SPATA45: variants seen among roughly 807,000 people sequenced by gnomAD.
SPATA45 encodes the protein spermatogenesis-associated protein 45.
In SPATA45, 5 loss-of-function variants were observed where a neutral mutation model predicts 7.0. The observed-to-expected ratio is 0.71, with a 90% CI of 0.37 to 1.50. The LOEUF (loss-of-function observed/expected upper bound fraction) is 1.50. SPATA45 is among the 40% of genes most tolerant of loss of function. The pLI is 0.03. For synonymous variants in SPATA45, 40 were observed against 38.7 expected, an observed-to-expected ratio of 1.03 and a Z score of -0.13; for missense variants, 111 against 114.9, an observed-to-expected ratio of 0.97 and a Z score of 0.16.
At chr1:212,831,800 A>G (rs1401193859) in intron 2 of SPATA45, among the ~76,000 whole-genome samples, 1 of 151,092 alleles carries the variant, frequency 6.6e-6, no homozygotes, top group Non-Finnish European at 1.5e-5. Flanking sequence ...GACCATCAGG[A>G]CTAATCTCAT....
intron 2 of SPATA45, among the ~76,000 whole-genome samples, chr1:212,832,434 C>T (rs1663507589): frequency 7.4e-6 from 1 of 135,166 alleles, no homozygotes; most frequent in African/African-American, 2.7e-5. Flanking sequence ...CTCTCAAACT[C>T]CTGGGCTCAA....
rs561990635 is a variant in SPATA45, at chr1:212,830,224, T to C, written c.*18A>G. 4 of 1,513,248 alleles carry C rather than the reference T, an allele frequency of 2.6e-6. No individual in the cohort carries two copies. Among genetic ancestry groups the C allele is most frequent in the Non-Finnish European group, 3.6e-6 (4 of 1,099,594 alleles). The allele number at this position is 1,513,248 out of a possible 1,614,324, so 93.7% of individuals were successfully genotyped here. A position where few individuals can be genotyped will look rare whatever the true frequency, so the allele number is the denominator to read the frequency against. ...GAATCAAAGAGAATGTATTTCCGTG[T>C]GTCTCTGGAGATGCACTTTATCCAA... On this transcript the variant is annotated 3_prime_UTR_variant, in exon 3 of 3. Transcript: ENST00000332912.
chr1:212,843,579 C>T (rs559109622), intron 1 of SPATA45, among the ~76,000 whole-genome samples: 4 of 152,052 alleles, frequency 2.6e-5, no homozygotes, highest in Non-Finnish European at 5.9e-5. Context: ...AAATGCTGGA[C>T]CCTTTATTAA....
At chr1:212,834,402 T>A (rs1663551442) in intron 2 of SPATA45, among the ~76,000 whole-genome samples, 1 of 150,866 alleles carries the variant, frequency 6.6e-6, no homozygotes, top group Admixed American at 6.6e-5. Flanking sequence ...TATAAAATAA[T>A]ACCACCACCA....
rs570180148 is a variant in SPATA45 at position 212,838,845 on chromosome 1, C to T, written c.-38-2658G>A. 4.6e-5 allele frequency among the ~76,000 whole-genome samples: 7 copies of T among 151,386 alleles called. No individual in the cohort carries two copies. The South Asian group carries it at 8.4e-4, about 18-fold the overall frequency. On this transcript the variant is annotated intron_variant, in intron 1 of 2. Coordinates refer to ENST00000332912, the MANE Select transcript of SPATA45 (RefSeq NM_001024601.3). Reference sequence around the variant, plus strand: ...GCCTCCCAAGTAGCTGGGATACAGGCGCAGGCCACCACACCTGGCTATTTT... The same window carrying T: ...GCCTCCCAAGTAGCTGGGATACAGGTGCAGGCCACCACACCTGGCTATTTT...
At chr1:212,834,454 C>CTT (rs751372594) in intron 2 of SPATA45, among the ~76,000 whole-genome samples, 8 of 142,854 alleles carry the variant, frequency 5.6e-5, no homozygotes, top group Non-Finnish European at 6.2e-5. Context: ...CCTTCGTCCA[C>CTT]TTTTTTTTTT....
chr1:212,844,387 C>T lies in SPATA45; in HGVS notation c.-39+3193G>A, dbSNP rs576289937. Among the ~76,000 whole-genome samples the T allele has an allele frequency of 9.2e-5, 14 of 152,270 alleles. No individual in the cohort carries two copies. In the East Asian group the frequency reaches 2.7e-3, roughly 29 times the overall value. ...TGCGTCTCCCACAGTTACCATTGTTCCTGGCCTGGACTTCAATCTGGCCTC... is the reference window on the plus strand; with the variant it reads ...TGCGTCTCCCACAGTTACCATTGTTTCTGGCCTGGACTTCAATCTGGCCTC... On this transcript the variant is annotated intron_variant, in intron 1 of 2. Coordinates refer to ENST00000332912, the MANE Select transcript of SPATA45 (RefSeq NM_001024601.3).
chr1:212,839,796 G>C (rs1475069251), intron 1 of SPATA45, among the ~76,000 whole-genome samples: 1 of 151,476 alleles, frequency 6.6e-6, no homozygotes, highest in Non-Finnish European at 1.5e-5. Context: ...GCTTTCCTGG[G>C]TGTATGCATA....
chr1:212,832,707 G>C (rs923144362), intron 2 of SPATA45, among the ~76,000 whole-genome samples: 1 of 151,470 alleles, frequency 6.6e-6, no homozygotes, highest in Admixed American at 6.6e-5. Flanking sequence ...CAAAATTACT[G>C]TATTATTACC....
In SPATA45 at chr1:212,835,983, T is replaced by A; in HGVS notation, c.167A>T (p.Gln56Leu). 1 of 1,611,034 alleles carries A rather than the reference T, an allele frequency of 6.2e-7. No homozygotes were observed. ...VQKRHFPDAY[Q>L]SFTDTTTKEP... is the part of the protein sequence containing the mutation. ...TTTGGTTGTGGTATCAGTAAAGGAC[T>A]GATAGGCATCCGGGAAGTGCCTCTT... Residue 56 changes from glutamine to leucine, a missense_variant, in exon 2 of 3, where the codon CAG becomes CTG. Physicochemically the swap from Gln to Leu is moderately radical, Grantham distance 113. Transcript: ENST00000332912.
chr1:212,836,354 A>G (rs907446054), intron 1 of SPATA45, among the ~76,000 whole-genome samples, 167 bp from the exon 2 acceptor site: 1 of 151,510 alleles, frequency 6.6e-6, no homozygotes, highest in Non-Finnish European at 1.5e-5. Flanking sequence ...TTTTTTAGAC[A>G]GGGTCTTGCT....
At chr1:212,844,901 C>T (rs10864005) in intron 1 of SPATA45, among the ~76,000 whole-genome samples, 66,059 of 151,976 alleles carry the variant, frequency 0.43, 15,507 homozygotes, top group East Asian at 0.53. Flanking sequence ...CAGATCCCAT[C>T]GCTCAGGGCA....
intron 2 of SPATA45, among the ~76,000 whole-genome samples, chr1:212,832,051 T>C: frequency 1.0e-5 from 1 of 96,766 alleles, no homozygotes; most frequent in African/African-American, 3.3e-5. Flanking sequence ...GGAGTTTCGC[T>C]CTTGTTGCCC....
At chr1:212,846,557 C>G (rs1663797862) in intron 1 of SPATA45, among the ~76,000 whole-genome samples, 1 of 152,106 alleles carries the variant, frequency 6.6e-6, no homozygotes, top group Non-Finnish European at 1.5e-5. Context: ...ATATATTCTC[C>G]CCTGCCCTTA....
chr1:212,839,618 A>T (rs1160492757), intron 1 of SPATA45, among the ~76,000 whole-genome samples: 1 of 15,894 alleles, frequency 6.3e-5, no homozygotes, highest in Non-Finnish European at 1.7e-4. Flanking sequence ...ACCCTATGTC[A>T]AAAAAAAAAA....
At chr1:212,831,670 G>A (rs6694190) in intron 2 of SPATA45, among the ~76,000 whole-genome samples, 24,772 of 150,952 alleles carry the variant, frequency 0.16, 2,490 homozygotes, top group East Asian at 0.24. Context: ...TAGTCTTCAC[G>A]TCACTATTAA....
At chr1:212,839,321 T>C (rs575304560) in intron 1 of SPATA45, among the ~76,000 whole-genome samples, 2 of 149,622 alleles carry the variant, frequency 1.3e-5, no homozygotes, top group South Asian at 4.3e-4. Context: ...CATATAAAAC[T>C]CTAGGAAATA....
intron 2 of SPATA45, among the ~76,000 whole-genome samples, chr1:212,834,733 G>C (rs562333190): frequency 6.6e-6 from 1 of 151,658 alleles, no homozygotes; most frequent in African/African-American, 2.4e-5. Flanking sequence ...CTGGAGGTGT[G>C]AGCCACCGCG....
chr1:212,834,805 A>G (rs925976363), intron 2 of SPATA45, among the ~76,000 whole-genome samples: 3 of 151,568 alleles, frequency 2.0e-5, no homozygotes, highest in Non-Finnish European at 4.4e-5. Context: ...AAGGATCTCC[A>G]CTGCACCTCA....
Sources: gnomAD v4.1 joint callset for allele counts (sites outside exome capture counted in the v4.1 genomes callset) on GRCh38, gnomAD v4.1.1 for gene constraint, MANE v1.5 for transcripts, NCBI Gene and HGNC (gene_info 2026-07-23, HGNC 2026-07-21) for gene names.